The following MARCHF10 variants were observed in gnomAD, a reference collection of about 807,000 sequenced individuals.
MARCHF10 encodes the protein probable E3 ubiquitin-protein ligase MARCHF10.
In MARCHF10, 64 loss-of-function variants were observed where a neutral mutation model predicts 76.2. That is an observed-to-expected ratio of 0.84 (90% CI 0.69 to 1.03). The LOEUF (loss-of-function observed/expected upper bound fraction) is 1.03, where lower values mean the gene tolerates loss of function less well. MARCHF10 is among the 50% of genes least tolerant of loss of function. The pLI, the probability that MARCHF10 is intolerant of heterozygous loss-of-function variation, is 0.00. For missense variants in MARCHF10, 875 were observed against 958.0 expected (o/e 0.91, Z 1.14); for synonymous variants, 340 against 357.5 (o/e 0.95, Z 0.55).
intron 3 of MARCHF10, among the ~76,000 whole-genome samples, chr17:62,777,151 G>A (rs956666466): frequency 1.3e-5 from 2 of 152,070 alleles, no homozygotes; most frequent in African/African-American, 2.4e-5. Context: ...TGGCTATTAC[G>A]GCGATATGGT....
chr17:62,711,388 T>A lies in MARCHF10; in HGVS notation c.2215-44A>T. 6.3e-7 allele frequency: 1 copy of A among 1,576,534 alleles called. No homozygotes were observed. The highest frequency in any genetic ancestry group is 8.7e-7 in the Non-Finnish European group (1 of 1,146,852). ...GCTCTTCAGTTCATCTGTAAAATAGTCATGGTCTAAATTGTGGGATGCAGG... is the reference window on the plus strand; with the variant it reads ...GCTCTTCAGTTCATCTGTAAAATAGACATGGTCTAAATTGTGGGATGCAGG... On this transcript the variant is annotated intron_variant, in intron 8 of 10. Transcript: ENST00000311269. This position sits in a 1 kb window ranked among gnomAD's most constrained non-coding sequence, Gnocchi z 4.4.
chr17:62,800,607 A>G (rs888746687), intron 2 of MARCHF10, among the ~76,000 whole-genome samples: 1 of 152,128 alleles, frequency 6.6e-6, no homozygotes, highest in African/African-American at 2.4e-5. Flanking sequence ...TGAAATTGCT[A>G]AGAAGGGGAA....
Position 62,744,520 on chromosome 17 carries a change from C to T in MARCHF10, c.391G>A (p.Ala131Thr), listed in dbSNP as rs746900984. ...CTCTTTCTTAATAAAACCATTGGTG[C>T]TTGGTCTGCTGAAAGATGCAAAGTC... ...DPSEPSPADQ[A>T]PMVLLRKRKP... is the part of the protein sequence containing the mutation. Residue 131 changes from alanine (A) to threonine (T), a missense_variant, in exon 5 of 11, where the codon GCA becomes ACA. Ala to Thr is a moderately conservative substitution (Grantham distance 58, BLOSUM62 0). Coordinates refer to ENST00000311269, the MANE Select transcript of MARCHF10 (RefSeq NM_152598.4). The T allele has an allele frequency of 1.1e-5, 17 of 1,613,526 alleles. No individual in the cohort carries two copies. In the African/African-American group the frequency reaches 2.0e-4, roughly 19 times the overall value.
chr17:62,767,132 G>A (rs1376688843), intron 3 of MARCHF10, among the ~76,000 whole-genome samples: 1 of 152,142 alleles, frequency 6.6e-6, no homozygotes, highest in East Asian at 1.9e-4. Flanking sequence ...AGATTGTGGG[G>A]AGCCCTGAGA....
chr17:62,770,676 G>T (rs779705750), intron 3 of MARCHF10, among the ~76,000 whole-genome samples: 3 of 151,778 alleles, frequency 2.0e-5, no homozygotes, highest in Non-Finnish European at 2.9e-5. Context: ...GAGTAGCTGG[G>T]ATTACAGGCG....
chr17:62,765,996 CCAGCCTGGGCAA>C (rs561720886), intron 3 of MARCHF10, among the ~76,000 whole-genome samples: 212 of 151,048 alleles, frequency 1.4e-3, no homozygotes, highest in Non-Finnish European at 2.7e-3. Context: ...GAGTTTGAGA[CCAGCCTGGGCAA>C]CATAGCGAGA....
chr17:62,778,103 C>T (rs1344288567), intron 3 of MARCHF10, among the ~76,000 whole-genome samples: 2 of 152,206 alleles, frequency 1.3e-5, no homozygotes, highest in Non-Finnish European at 2.9e-5. Flanking sequence ...AGATGTACCC[C>T]ATGGTGGGCA....
rs2089505107 is a variant in MARCHF10 at position 62,705,263 on chromosome 17, A to G, written c.2371+276T>C. On this transcript the variant is annotated intron_variant, in intron 10 of 10. Transcript: ENST00000311269. ...GAATCCCAGCAAGGAAAAGGAACAA[A>G]TCTTATCTCATGCCGGAAGATAACC... 7 of 1,395,760 alleles carry G rather than the reference A, an allele frequency of 5.0e-6. No individual in the cohort carries two copies. The East Asian group carries it at 1.1e-4, about 22-fold the overall frequency. 86.5% of individuals were successfully genotyped at this position (1,395,760 alleles called of 1,614,324 possible).
At chr17:62,749,622 A>G (rs1199712334) in intron 4 of MARCHF10, among the ~76,000 whole-genome samples, 12 of 152,210 alleles carry the variant, frequency 7.9e-5, no homozygotes, top group Admixed American at 7.8e-4. Context: ...ATGTACCCAG[A>G]GGAGATCTTA....
intron 9 of MARCHF10, chr17:62,707,716 C>T (rs554830316): frequency 6.6e-6 from 1 of 152,392 alleles, no homozygotes; most frequent in East Asian, 1.9e-4. Context: ...ACAACACAGG[C>T]ACATTTGTGG....
chr17:62,780,878 T>C (rs1270156265), intron 3 of MARCHF10: 5 of 152,142 alleles, frequency 3.3e-5, no homozygotes, highest in Non-Finnish European at 7.3e-5. Flanking sequence ...ATTTTCATCA[T>C]CTTCTATGGG....
intron 10 of MARCHF10, 136 bp downstream of exon 10, chr17:62,705,403 C>A: frequency 6.4e-7 from 1 of 1,557,812 alleles, no homozygotes; most frequent in Non-Finnish European, 8.7e-7. Context: ...CTGACTTTCC[C>A]AAGCTTTGCG....
intron 8 of MARCHF10, among the ~76,000 whole-genome samples, chr17:62,716,885 T>G (rs1413675882): frequency 6.6e-6 from 1 of 152,054 alleles, no homozygotes; most frequent in Admixed American, 6.6e-5. Context: ...GGAACCCATT[T>G]GCCAAGGACA....
Position 62,737,210 on chromosome 17 carries a change from T to G in MARCHF10, c.658A>C (p.Lys220Gln). 6.2e-7 allele frequency: 1 copy of G among 1,614,082 alleles called. No homozygotes were observed. The highest frequency in any genetic ancestry group is 1.3e-5 in the African/African-American group (1 of 75,010). The change falls in exon 6 of 11, where the codon AAA (lysine) becomes CAA (glutamine). Residue 220 changes from lysine to glutamine, a missense_variant. Transcript: ENST00000311269. The part of the protein sequence containing the change: ...MTENAPDRAK[K>Q]GDPSAPSQSE... Reference sequence around the variant, plus strand: ...TGGGAAGGAGCACTCGGGTCTCCTTTTTTGGCTCTATCAGGGGCGTTCTCA... The same window carrying G: ...TGGGAAGGAGCACTCGGGTCTCCTTGTTTGGCTCTATCAGGGGCGTTCTCA...
At position 62,705,535 on chromosome 17, in the gene MARCHF10, C is replaced by T. The variant is rs773363592; in HGVS notation, c.2371+4G>A. On this transcript the variant is annotated splice_donor_region_variant and intron_variant, in intron 10 of 10. Transcript: ENST00000311269. ...AAATGGCAGGACTGGCCCCCAAAAC[C>T]TACTTTCATTTTCCTCTGTTCTGGG... 16 of 1,614,068 alleles carry T rather than the reference C, an allele frequency of 9.9e-6. No individual in the cohort carries two copies. The highest frequency in any genetic ancestry group is 1.7e-5 in the Admixed American group (1 of 59,994).
chr17:62,766,358 G>A (rs1288072980), intron 3 of MARCHF10, among the ~76,000 whole-genome samples: 2 of 151,904 alleles, frequency 1.3e-5, no homozygotes, highest in Non-Finnish European at 2.9e-5. Flanking sequence ...AAATTAGCTG[G>A]GCATGGTGGT....
intron 10 of MARCHF10, among the ~76,000 whole-genome samples, chr17:62,704,592 T>G (rs548071899): frequency 6.6e-6 from 1 of 152,332 alleles, no homozygotes; most frequent in Non-Finnish European, 1.5e-5. Flanking sequence ...GCAGGACTAC[T>G]GGGAGTTCTC....
chr17:62,705,877 A>G (rs975061167), intron 9 of MARCHF10, among the ~76,000 whole-genome samples: 2 of 152,212 alleles, frequency 1.3e-5, no homozygotes, highest in East Asian at 1.9e-4. Context: ...GCAGAATCCC[A>G]TTCTGATGGT....
chr17:62,713,875 G>A (rs371717898), intron 8 of MARCHF10, among the ~76,000 whole-genome samples: 1 of 152,194 alleles, frequency 6.6e-6, no homozygotes, highest in Admixed American at 6.5e-5. Flanking sequence ...GTGAAACAGC[G>A]CAAAAGGGCT....
Sources: allele counts gnomAD v4.1 joint callset (sites outside exome capture counted in the v4.1 genomes callset), GRCh38; gene constraint gnomAD v4.1.1; non-coding constraint Gnocchi (gnomAD v3.1); transcripts MANE v1.5; gene names NCBI Gene and HGNC (gene_info 2026-07-23, HGNC 2026-07-21).